GLIS3: variants seen among roughly 807,000 people sequenced by gnomAD.
The protein encoded by GLIS3 is GLIS family zinc finger 3.
Under a neutral mutation model 78.6 loss-of-function variants are expected in GLIS3, and 53 were observed. The ratio of observed to expected loss-of-function variants is 0.67; its 90% CI spans 0.54 to 0.85. GLIS3 has a LOEUF of 0.85. Ranked by LOEUF, GLIS3 falls within the 40% of genes least tolerant of loss-of-function variation. GLIS3 has a pLI of 0.00. For synonymous variants in GLIS3, 684 were observed against 509.9 expected (o/e 1.34, Z -4.60); for missense variants, 1,703 against 1,231.1 (o/e 1.38, Z -5.74).
At chr9:4,176,396 T>C (rs1334544799) in intron 2 of GLIS3, among the ~76,000 whole-genome samples, 2 of 152,244 alleles carry the variant, frequency 1.3e-5, no homozygotes. Context: ...TTATATTTTA[T>C]AGGCAATTTT....
intron 4 of GLIS3, among the ~76,000 whole-genome samples, chr9:4,116,465 G>A (rs1831647283): frequency 6.6e-6 from 1 of 152,242 alleles, no homozygotes; most frequent in Non-Finnish European, 1.5e-5. Context: ...AAATCACAAT[G>A]TGGTGCATAG....
At chr9:4,015,831 G>A (rs1822385712) in intron 4 of GLIS3, among the ~76,000 whole-genome samples, 1 of 146,346 alleles carries the variant, frequency 6.8e-6, no homozygotes, top group South Asian at 2.2e-4. Context: ...GGAGGTTGCA[G>A]TGAGCTGAGA....
chr9:3,958,046 C>T (rs1002411848), intron 4 of GLIS3, among the ~76,000 whole-genome samples: 5 of 152,222 alleles, frequency 3.3e-5, no homozygotes, highest in Non-Finnish European at 2.9e-5. Context: ...AAAGCTGTGG[C>T]TCCTTCGGTA....
intron 2 of GLIS3, among the ~76,000 whole-genome samples, chr9:4,251,279 T>A (rs1236037274): frequency 6.6e-6 from 1 of 152,206 alleles, no homozygotes; most frequent in Non-Finnish European, 1.5e-5. Flanking sequence ...GCTTTATGAA[T>A]CTGGGTCCTC....
At chr9:4,408,874 C>T in the GLIS3 span, among the ~76,000 whole-genome samples, 1 of 151,662 alleles carries the variant, frequency 6.6e-6, no homozygotes. Flanking sequence ...GGGATAAATG[C>T]TTGAGGAGAT....
At chr9:3,862,571 T>C (rs1820284093) in intron 8 of GLIS3, among the ~76,000 whole-genome samples, 1 of 152,214 alleles carries the variant, frequency 6.6e-6, no homozygotes, top group Non-Finnish European at 1.5e-5. Flanking sequence ...CAGTCAAGCA[T>C]GTCATAAATA....
chr9:3,898,278 A>C, intron 7 of GLIS3: 1 of 264,166 alleles, frequency 3.8e-6, no homozygotes, highest in Non-Finnish European at 7.5e-6. Flanking sequence ...TGATGTGAAA[A>C]TTTCCTTAGA....
At chr9:4,068,558 CCA>C (rs1214099030) in intron 4 of GLIS3, among the ~76,000 whole-genome samples, 52 of 152,144 alleles carry the variant, frequency 3.4e-4, no homozygotes, top group African/African-American at 1.2e-3. Context: ...TTTACAATGA[CCA>C]AGTATAACCT....
At chr9:4,352,403 T>G (rs1295037252), upstream of GLIS3, among the ~76,000 whole-genome samples, 3 of 152,262 alleles carry the variant, frequency 2.0e-5, no homozygotes, top group Non-Finnish European at 2.9e-5. Flanking sequence ...CAATTCACCT[T>G]GGGTCCTTTT....
At chr9:4,396,589 C>T in the GLIS3 span, among the ~76,000 whole-genome samples, 2 of 152,166 alleles carry the variant, frequency 1.3e-5, no homozygotes, top group Non-Finnish European at 2.9e-5. Flanking sequence ...GAAAGATTAT[C>T]GAAGACAGAC....
chr9:4,097,285 TA>T (rs971013613), intron 4 of GLIS3, among the ~76,000 whole-genome samples: 1 of 151,530 alleles, frequency 6.6e-6, no homozygotes, highest in Non-Finnish European at 1.5e-5. Flanking sequence ...GGATTCAAAG[TA>T]AAAAAAAGTA....
rs141720129 is a variant in GLIS3 at position 4,176,251 on chromosome 9, T to C, written c.389-50310A>G. Among the ~76,000 whole-genome samples, 627 of 152,306 alleles carry C rather than the reference T, an allele frequency of 4.1e-3. 4 individuals are homozygous for C. Among genetic ancestry groups the C allele is most frequent in the African/African-American group, 0.014 (591 of 41,566 alleles). On this transcript the variant is annotated intron_variant, in intron 2 of 10. Coordinates refer to ENST00000381971, the MANE Select transcript of GLIS3 (RefSeq NM_001042413.2). ...AGTAACACACATACAATGTAAAAAA[T>C]TGGGAAAATAATTTTAAAGTCAAAG...
intron 6 of GLIS3, among the ~76,000 whole-genome samples, 179 bp downstream of exon 6, chr9:3,932,159 AGCTATGCAAACCATAGCCATAT>A: frequency 1.3e-5 from 2 of 152,144 alleles, no homozygotes; most frequent in Non-Finnish European, 2.9e-5. Context: ...TAGCCATATC[AGCTATGCAAACCATAGCCATAT>A]CAGCTATGCA....
At chr9:4,377,967 G>A in the GLIS3 span, among the ~76,000 whole-genome samples, 5 of 152,196 alleles carry the variant, frequency 3.3e-5, no homozygotes, top group African/African-American at 4.8e-5. Flanking sequence ...CTATAAGATT[G>A]TAAAGCATAC....
At chr9:4,336,655 C>T (rs974443122) in intron 2 of GLIS3, among the ~76,000 whole-genome samples, 15 of 152,294 alleles carry the variant, frequency 9.8e-5, no homozygotes, top group Admixed American at 3.9e-4. Context: ...GGGTTTAGAC[C>T]CAGATCCACC....
chr9:4,461,805 G>A, the GLIS3 span, among the ~76,000 whole-genome samples: 1 of 152,176 alleles, frequency 6.6e-6, no homozygotes, highest in African/African-American at 2.4e-5. Flanking sequence ...TAAAGATCAA[G>A]TGGAGCTATA....
chr9:4,101,726 T>G (rs1458117334), intron 4 of GLIS3, among the ~76,000 whole-genome samples: 1 of 152,192 alleles, frequency 6.6e-6, no homozygotes, highest in Non-Finnish European at 1.5e-5. Flanking sequence ...CACTGCCGGC[T>G]TGACATAGTT....
intron 4 of GLIS3, among the ~76,000 whole-genome samples, chr9:4,111,990 A>G (rs1011280654): frequency 8.5e-5 from 13 of 152,246 alleles, no homozygotes; most frequent in Non-Finnish European, 1.3e-4. Context: ...CATAGTAGCA[A>G]AAGTGTTTTG....
the GLIS3 span, among the ~76,000 whole-genome samples, chr9:4,397,015 T>TC: frequency 2.3e-3 from 323 of 141,910 alleles, 5 homozygotes; most frequent in African/African-American, 7.8e-3. Flanking sequence ...AATCCTTTTT[T>TC]CTTTTTTTCT....
Sources: gnomAD v4.1 joint callset for allele counts (sites outside exome capture counted in the v4.1 genomes callset) on GRCh38, gnomAD v4.1.1 for gene constraint, MANE v1.5 for transcripts, NCBI Gene and HGNC (gene_info 2026-07-23, HGNC 2026-07-21) for gene names.